CNTN1: variants seen among roughly 807,000 people sequenced by gnomAD.
CNTN1 encodes contactin-1.
CNTN1 carries 38 observed loss-of-function variants against 126.4 expected under a neutral mutation model. The ratio of observed to expected loss-of-function variants is 0.30; its 90% CI spans 0.23 to 0.39. The LOEUF is 0.39. Ranked by LOEUF, CNTN1 falls within the 10% of genes least tolerant of loss-of-function variation. The pLI is 1.00. For missense variants in CNTN1, 1,009 were observed against 1,248.4 expected, an observed-to-expected ratio of 0.81 and a Z score of 2.89; for synonymous variants, 413 against 422.6, an observed-to-expected ratio of 0.98 and a Z score of 0.28.
At chr12:40,991,981 AAC>A (rs1948106449) in intron 16 of CNTN1, among the ~76,000 whole-genome samples, 1 of 152,236 alleles carries the variant, frequency 6.6e-6, no homozygotes, top group Non-Finnish European at 1.5e-5. Context: ...AATTAAAACA[AAC>A]AGTTTCCGAT....
At chr12:40,971,631 A>C in intron 15 of CNTN1, 1 of 1,489,792 alleles carries the variant, frequency 6.7e-7, no homozygotes, top group Middle Eastern at 1.9e-4. Flanking sequence ...TAGTTCTTAG[A>C]GTATGTTTCC....
intron 1 of CNTN1, among the ~76,000 whole-genome samples, chr12:40,698,228 A>ATTTTTTTTTTTTTTTTTTTTTT (rs35570862): frequency 2.9e-5 from 2 of 69,884 alleles, no homozygotes; most frequent in African/African-American, 5.8e-5. Flanking sequence ...CAGCCACTTA[A>ATTTTTTTTTTTTTTTTTTTTTT]TTTTTTTTTT....
At chr12:40,996,961 T>A (rs1011181479) in intron 17 of CNTN1, among the ~76,000 whole-genome samples, 39 of 152,296 alleles carry the variant, frequency 2.6e-4, no homozygotes, top group East Asian at 7.7e-4. Context: ...GATGGAAAGG[T>A]TGGTCCCCAG....
intron 1 of CNTN1, among the ~76,000 whole-genome samples, chr12:40,827,607 A>G (rs941051082): frequency 6.6e-6 from 1 of 152,230 alleles, no homozygotes; most frequent in Non-Finnish European, 1.5e-5. Context: ...TTTGAATAAA[A>G]GACAGCAGAT....
intron 1 of CNTN1, among the ~76,000 whole-genome samples, chr12:40,838,818 C>T (rs77828676): frequency 3.8e-3 from 585 of 152,248 alleles, no homozygotes; most frequent in Non-Finnish European, 6.5e-3. Context: ...GCAACAGTTA[C>T]ACCATATGTG....
At chr12:40,904,170 C>T (rs996250486) in intron 1 of CNTN1, among the ~76,000 whole-genome samples, 5 of 152,044 alleles carry the variant, frequency 3.3e-5, no homozygotes, top group South Asian at 2.1e-4. Flanking sequence ...AGGCGCCTGC[C>T]ACCACGCACA....
intron 1 of CNTN1, among the ~76,000 whole-genome samples, chr12:40,765,684 A>G (rs768390626): frequency 6.6e-6 from 1 of 152,222 alleles, no homozygotes; most frequent in Non-Finnish European, 1.5e-5. Flanking sequence ...ACAATCCAAG[A>G]CCTTTGATGA....
At chr12:40,707,024 A>G (rs1217882450) in intron 1 of CNTN1, among the ~76,000 whole-genome samples, 8 of 150,334 alleles carry the variant, frequency 5.3e-5, no homozygotes, top group Admixed American at 4.6e-4. Context: ...ATACATATAA[A>G]GACGTGCGCG....
Position 40,929,921 on chromosome 12 carries a change from A to C in CNTN1, c.622A>C (p.Asn208His). The C allele has an allele frequency of 6.2e-7, 1 of 1,612,922 alleles. No individual in the cohort carries two copies. Among genetic ancestry groups the C allele is most frequent in the Non-Finnish European group, 8.5e-7 (1 of 1,179,130 alleles). The change falls in exon 7 of 24, where the codon AAT (asparagine) becomes CAT (histidine). Residue 208 changes from asparagine (N) to histidine (H), a missense_variant. By Grantham distance (68) the Asn-to-His change is moderately conservative. Coordinates refer to ENST00000551295, the MANE Select transcript of CNTN1 (RefSeq NM_001843.4). ...AAATGTTGAGGCTTCCGACAAAGGCAATTATTCCTGCTTTGTTTCCAGTCC... is the reference window on the plus strand; with the variant it reads ...AAATGTTGAGGCTTCCGACAAAGGCCATTATTCCTGCTTTGTTTCCAGTCC... ...IANVEASDKG[N>H]YSCFVSSPSI...
chr12:40,827,875 T>C (rs2136541216), intron 1 of CNTN1, among the ~76,000 whole-genome samples: 1 of 152,298 alleles, frequency 6.6e-6, no homozygotes, highest in Non-Finnish European at 1.5e-5. Context: ...AATGCATGAA[T>C]TATGCATGCA....
intron 15 of CNTN1, among the ~76,000 whole-genome samples, chr12:40,965,022 T>C (rs1216398604): frequency 1.3e-5 from 2 of 152,232 alleles, no homozygotes; most frequent in Admixed American, 6.6e-5. Context: ...ATTAGTATTC[T>C]TTTTTTGTAA....
chr12:41,015,717 T>C (rs899540816), intron 18 of CNTN1, among the ~76,000 whole-genome samples: 6 of 149,976 alleles, frequency 4.0e-5, no homozygotes, highest in African/African-American at 1.5e-4. Flanking sequence ...TTTGATTTTC[T>C]GGTAAAAAAA....
At chr12:40,832,441 A>G (rs1374962543) in intron 1 of CNTN1, among the ~76,000 whole-genome samples, 1 of 152,158 alleles carries the variant, frequency 6.6e-6, no homozygotes, top group Non-Finnish European at 1.5e-5. Flanking sequence ...TGCCTACAGT[A>G]TTCAGTACGG....
At chr12:40,969,484 G>A (rs1947422735) in intron 15 of CNTN1, among the ~76,000 whole-genome samples, 1 of 152,128 alleles carries the variant, frequency 6.6e-6, no homozygotes, top group African/African-American at 2.4e-5. Context: ...TTAGATCAGA[G>A]CAGCAAGGCA....
chr12:40,743,544 T>G (rs149346178), intron 1 of CNTN1, among the ~76,000 whole-genome samples: 3 of 152,204 alleles, frequency 2.0e-5, no homozygotes, highest in African/African-American at 7.2e-5. Context: ...GCTAAGTATT[T>G]AGAATGGGTG....
At chr12:40,935,118 T>C (rs1436786345) in intron 9 of CNTN1, among the ~76,000 whole-genome samples, 1 of 152,050 alleles carries the variant, frequency 6.6e-6, no homozygotes, top group East Asian at 1.9e-4. Flanking sequence ...CTCTGTACCC[T>C]GAATGCTCTA....
chr12:40,948,958 T>C (rs1224668076), intron 14 of CNTN1, among the ~76,000 whole-genome samples: 1 of 152,228 alleles, frequency 6.6e-6, no homozygotes, highest in African/African-American at 2.4e-5. Flanking sequence ...TTTGCAGGTA[T>C]GTGGGTGTGC....
At chr12:41,062,777 G>T (rs553112250) in intron 23 of CNTN1, among the ~76,000 whole-genome samples, 116 of 152,212 alleles carry the variant, frequency 7.6e-4, no homozygotes, top group Non-Finnish European at 1.4e-3. Flanking sequence ...GTGTCTCAAA[G>T]TAAAACATAC....
At chr12:41,010,830 C>T (rs1019754500) in intron 17 of CNTN1, among the ~76,000 whole-genome samples, 3 of 151,762 alleles carry the variant, frequency 2.0e-5, no homozygotes, top group Non-Finnish European at 2.9e-5. Flanking sequence ...CTTTTCCATC[C>T]ATCTGTGGCA....
Sources: gnomAD v4.1 joint callset for allele counts (sites outside exome capture counted in the v4.1 genomes callset) on GRCh38, gnomAD v4.1.1 for gene constraint, MANE v1.5 for transcripts, NCBI Gene and HGNC (gene_info 2026-07-23, HGNC 2026-07-21) for gene names.